The following SMCO4 variants were observed in gnomAD, a reference collection of about 807,000 sequenced individuals.
SMCO4 encodes single-pass membrane protein with coiled-coil domains 4, also known as single-pass membrane and coiled-coil domain-containing protein 4.
A neutral mutation model predicts 3.6 loss-of-function variants in SMCO4; 4 were observed. The observed-to-expected ratio is 1.11, with a 90% CI of 0.54 to 2.53. SMCO4 has a LOEUF of 2.53. Among genes scored for constraint, SMCO4 ranks in the 30% most tolerant of loss-of-function variants. The pLI is 0.02. For synonymous variants in SMCO4, 36 were observed against 35.3 expected (o/e 1.02, Z -0.07); for missense variants, 70 against 80.8 (o/e 0.87, Z 0.51).
chr11:93,487,661 ATTTT>A (rs979768212), intron 2 of SMCO4, among the ~76,000 whole-genome samples: 1 of 152,148 alleles, frequency 6.6e-6, no homozygotes, highest in Non-Finnish European at 1.5e-5. Context: ...GATAAGTCAC[ATTTT>A]TTTGGCACAC....
At chr11:93,550,695 T>C in the SMCO4 span, among the ~76,000 whole-genome samples, 1 of 152,166 alleles carries the variant, frequency 6.6e-6, no homozygotes, top group Admixed American at 6.5e-5. Context: ...ATTTTTATTT[T>C]ATTTTTTCAG....
rs190996629 is a variant in SMCO4, at chr11:93,499,459, C to A, written c.-153-111G>T. On this transcript the variant is annotated intron_variant, in intron 1 of 2. Coordinates refer to ENST00000298966, the MANE Select transcript of SMCO4 (RefSeq NM_020179.3). Reference sequence around the variant, plus strand: ...TGCTGAGAGGGCAGTCACACGGTTCCCCTCTCCCAACTGGCTTAGGGATAG... The same window carrying A: ...TGCTGAGAGGGCAGTCACACGGTTCACCTCTCCCAACTGGCTTAGGGATAG... 6.6e-5 allele frequency: 10 copies of A among 152,270 alleles called. 1 individual carries two copies. The East Asian group carries it at 1.9e-3, about 30-fold the overall frequency. The allele number at this position is 152,270 out of a possible 1,614,324, so 9.4% of individuals were successfully genotyped here.
intron 1 of SMCO4, among the ~76,000 whole-genome samples, chr11:93,537,655 C>A (rs555180294): frequency 2.0e-5 from 3 of 152,112 alleles, no homozygotes; most frequent in East Asian, 3.9e-4. Context: ...TATCCACAGG[C>A]AGAAATGCTC....
At position 93,500,416 on chromosome 11, in the gene SMCO4, G is replaced by A. The variant is rs192331843; in HGVS notation, c.-153-1068C>T. The stretch of plus-strand genomic sequence containing the variant: ...CAAAGAGCTTCACAGATGTATGCCC[G>A]ACCTCTATCCTCGCCATATTTTTCC... On this transcript the variant is annotated intron_variant, in intron 1 of 2. Transcript: ENST00000298966. 5.3e-4 allele frequency among the ~76,000 whole-genome samples: 80 copies of A among 152,226 alleles called. 1 individual carries two copies. Among genetic ancestry groups the A allele is most frequent in the Middle Eastern group, 3.4e-3 (1 of 294 alleles).
chr11:93,493,545 C>A (rs1330723240), intron 2 of SMCO4, among the ~76,000 whole-genome samples: 1 of 152,216 alleles, frequency 6.6e-6, no homozygotes, highest in Non-Finnish European at 1.5e-5. Flanking sequence ...AGCATCTCCA[C>A]CCAGATGCCT....
At chr11:93,535,616 A>C (rs905199030) in intron 1 of SMCO4, 1 of 1,571,336 alleles carries the variant, frequency 6.4e-7, no homozygotes, top group African/African-American at 1.4e-5. Flanking sequence ...GAGGGCTTTG[A>C]GCCTGCAGAC....
intron 1 of SMCO4, among the ~76,000 whole-genome samples, chr11:93,541,139 A>G (rs1949267642): frequency 6.6e-6 from 1 of 152,206 alleles, no homozygotes; most frequent in Non-Finnish European, 1.5e-5. Flanking sequence ...TTGATCATTA[A>G]TGTGTGGTGT....
chr11:93,506,990 G>C (rs1948910836), intron 1 of SMCO4, among the ~76,000 whole-genome samples: 1 of 152,168 alleles, frequency 6.6e-6, no homozygotes, highest in African/African-American at 2.4e-5. Flanking sequence ...GAAAAACTAT[G>C]ATTACTCAGA....
chr11:93,539,526 T>G (rs1208983109), intron 1 of SMCO4, among the ~76,000 whole-genome samples: 1 of 152,224 alleles, frequency 6.6e-6, no homozygotes, highest in Admixed American at 6.5e-5. Context: ...ACACTTCTAC[T>G]TTTTAAAAAC....
At chr11:93,531,401 ATTGG>A (rs1949160916) in intron 1 of SMCO4, among the ~76,000 whole-genome samples, 4 of 152,086 alleles carry the variant, frequency 2.6e-5, no homozygotes, top group Admixed American at 6.5e-5. Context: ...AACTGACACC[ATTGG>A]CTCTCCTGGG....
chr11:93,550,959 A>G, the SMCO4 span, among the ~76,000 whole-genome samples: 1 of 152,192 alleles, frequency 6.6e-6, no homozygotes. Flanking sequence ...CCTATCAACT[A>G]TGTCTTTTTC....
chr11:93,522,357 C>A (rs2305661), intron 1 of SMCO4, among the ~76,000 whole-genome samples: 20,888 of 152,180 alleles, frequency 0.14, 1,576 homozygotes, highest in Non-Finnish European at 0.17. Flanking sequence ...TGGCTTTTTA[C>A]AAGGGACCTA....
At chr11:93,521,134 G>A (rs1949054374) in intron 1 of SMCO4, among the ~76,000 whole-genome samples, 1 of 152,138 alleles carries the variant, frequency 6.6e-6, no homozygotes, top group East Asian at 1.9e-4. Context: ...TCTCTAACTG[G>A]CAAAACCAGG....
chr11:93,499,422 C>T (rs1343958227), intron 1 of SMCO4, 74 bp from the exon 2 acceptor site: 1 of 152,064 alleles, frequency 6.6e-6, no homozygotes, highest in Non-Finnish European at 1.5e-5. Context: ...TTTTTGGAAC[C>T]CCCTCAGCCC....
chr11:93,510,724 A>G (rs1948949141), intron 1 of SMCO4, among the ~76,000 whole-genome samples: 1 of 152,140 alleles, frequency 6.6e-6, no homozygotes, highest in African/African-American at 2.4e-5. Flanking sequence ...CTCAGCCCAC[A>G]AGGACTAAGG....
Position 93,478,973 on chromosome 11 carries a change from T to C in SMCO4, c.*37A>G, listed in dbSNP as rs778306546. On this transcript the variant is annotated 3_prime_UTR_variant, in exon 3 of 3. Coordinates refer to ENST00000298966, the MANE Select transcript of SMCO4 (RefSeq NM_020179.3). ...GTTTGCGTCCCCCTCCCGCGCCTCCTCTCCCTGCCGATGGGGTCCGCAGCC... is the reference window on the plus strand; with the variant it reads ...GTTTGCGTCCCCCTCCCGCGCCTCCCCTCCCTGCCGATGGGGTCCGCAGCC... 1.3e-6 allele frequency: 2 copies of C among 1,575,578 alleles called. No homozygotes were observed. Among genetic ancestry groups the C allele is most frequent in the Non-Finnish European group, 1.7e-6 (2 of 1,159,472 alleles).
chr11:93,485,847 C>T (rs561358631), intron 2 of SMCO4, among the ~76,000 whole-genome samples: 5 of 152,326 alleles, frequency 3.3e-5, no homozygotes, highest in Non-Finnish European at 7.3e-5. Flanking sequence ...CACAATCATA[C>T]AAGATTGGTA....
At chr11:93,538,837 T>C (rs993651890) in intron 1 of SMCO4, among the ~76,000 whole-genome samples, 3 of 152,150 alleles carry the variant, frequency 2.0e-5, no homozygotes, top group African/African-American at 7.2e-5. Flanking sequence ...CTCAAGACAT[T>C]ACTTTAATGA....
chr11:93,508,027 T>C lies in SMCO4; in HGVS notation c.-153-8679A>G, dbSNP rs557417464. Among the ~76,000 whole-genome samples, 161 of 152,380 alleles carry C rather than the reference T, an allele frequency of 1.1e-3. 1 individual carries two copies. Among genetic ancestry groups the C allele is most frequent in the Non-Finnish European group, 1.9e-3 (130 of 68,044 alleles). On this transcript the variant is annotated intron_variant, in intron 1 of 2. Transcript: ENST00000298966. ...TATCATATATCATATAATGGGTTTA[T>C]TGTTATATTTAAACAAGTTTATAAA...
Sources: gnomAD v4.1 joint callset for allele counts (sites outside exome capture counted in the v4.1 genomes callset) on GRCh38, gnomAD v4.1.1 for gene constraint, MANE v1.5 for transcripts, NCBI Gene and HGNC (gene_info 2026-07-23, HGNC 2026-07-21) for gene names.